TRIM37: variants seen among roughly 807,000 people sequenced by gnomAD.
TRIM37 encodes the protein E3 ubiquitin-protein ligase TRIM37.
Under a neutral mutation model 129.8 loss-of-function variants are expected in TRIM37, and 80 were observed. The observed-to-expected ratio is 0.62, with a 90% CI of 0.51 to 0.74. TRIM37 has a LOEUF of 0.74. Ranked by LOEUF, TRIM37 falls within the 30% of genes least tolerant of loss-of-function variation. The probability of loss-of-function intolerance (pLI) is 0.00; values close to 1 mark genes in which losing one functional copy is unlikely to be tolerated. For synonymous variants in TRIM37, 389 were observed against 387.1 expected, an observed-to-expected ratio of 1.00 and a Z score of -0.06; for missense variants, 1,054 against 1,176.5, an observed-to-expected ratio of 0.90 and a Z score of 1.52.
downstream of TRIM37, chr17:58,979,907 C>A: frequency 7.9e-7 from 1 of 1,273,878 alleles, no homozygotes; most frequent in Non-Finnish European, 1.1e-6. Flanking sequence ...TGGCATTGGT[C>A]ATAAACGTTC....
chr17:59,036,586 G>A (rs1301051069), intron 17 of TRIM37, among the ~76,000 whole-genome samples: 1 of 151,900 alleles, frequency 6.6e-6, no homozygotes, highest in African/African-American at 2.4e-5. Flanking sequence ...AGGCTCAAGT[G>A]ATCCTACGGC....
rs2032530261 is a variant in TRIM37, at chr17:58,992,340, T to C, written c.2891+7041A>G. Among the ~76,000 whole-genome samples the C allele has an allele frequency of 2.0e-5, 3 of 146,974 alleles. No individual in the cohort carries two copies. In the South Asian group the frequency reaches 6.3e-4, roughly 31 times the overall value. The stretch of plus-strand genomic sequence containing the variant: ...ATATGTAAATATATATATATATATA[T>C]ATAAATACAGAGTACTGTCAACCAG... On this transcript the variant is annotated intron_variant, in intron 24 of 24. Transcript: ENST00000393066.
Position 59,001,692 on chromosome 17 carries a change from A to T in TRIM37, c.2718T>A (p.Ile906=). The T allele has an allele frequency of 6.2e-7, 1 of 1,614,006 alleles. No individual in the cohort carries two copies. The highest frequency in any genetic ancestry group is 8.5e-7 in the Non-Finnish European group (1 of 1,179,936). The part of the protein sequence containing the change: ...PEEGMSSDSD[I]ECDTENEEQE... ...GCTCCTCATTCTCAGTGTCACATTCAATGTCACTGTCGCTACTCATTCCTG... is the reference window on the plus strand; with the variant it reads ...GCTCCTCATTCTCAGTGTCACATTCTATGTCACTGTCGCTACTCATTCCTG... Residue 906 remains isoleucine (I), a synonymous_variant, in exon 23 of 24, where the codon ATT becomes ATA. Coordinates refer to ENST00000262294, the MANE Select transcript of TRIM37 (RefSeq NM_015294.6).
intron 19 of TRIM37, among the ~76,000 whole-genome samples, chr17:59,020,901 C>T (rs539784346): frequency 1.2e-3 from 186 of 152,260 alleles, no homozygotes; most frequent in Middle Eastern, 3.4e-3. Flanking sequence ...AAAACCACTA[C>T]GGAAAACAGT....
intron 5 of TRIM37, 32 bp from the exon 6 acceptor site, chr17:59,081,251 T>C (rs1196284303): frequency 1.2e-6 from 2 of 1,605,194 alleles, no homozygotes; most frequent in Admixed American, 3.3e-5. Context: ...TAGAACACTT[T>C]CACATATCTC....
intron 1 of TRIM37, 110 bp downstream of exon 1, chr17:59,106,331 G>A: frequency 2.3e-6 from 3 of 1,304,714 alleles, no homozygotes; most frequent in Non-Finnish European, 3.3e-6. Flanking sequence ...CAGCGGCAGG[G>A]GCGGGGTAGG....
chr17:59,037,557 C>CAAAAAAAAAAAAAAAAAAAAAAA (rs58856834), intron 17 of TRIM37, among the ~76,000 whole-genome samples: 2 of 74,034 alleles, frequency 2.7e-5, no homozygotes, highest in African/African-American at 1.0e-4. Context: ...GACTCTGTCT[C>CAAAAAAAAAAAAAAAAAAAAAAA]AAAAAAAAAA....
downstream of TRIM37, chr17:58,981,733 A>G (rs1376254066): frequency 7.5e-6 from 1 of 133,308 alleles, no homozygotes; most frequent in Non-Finnish European, 1.6e-5. Flanking sequence ...TGGGAGTTTC[A>G]TAACCTGTTA....
chr17:59,048,833 G>C (rs2040066936), intron 15 of TRIM37, among the ~76,000 whole-genome samples: 1 of 152,214 alleles, frequency 6.6e-6, no homozygotes, highest in South Asian at 2.1e-4. Flanking sequence ...CTGACCTCAT[G>C]TGATCCACCC....
At chr17:59,084,928 G>A (rs568419093) in intron 4 of TRIM37, among the ~76,000 whole-genome samples, 1 of 152,320 alleles carries the variant, frequency 6.6e-6, no homozygotes, top group South Asian at 2.1e-4. Context: ...TATCAGAACT[G>A]TGAGAAAATA....
In TRIM37 at chr17:59,050,319, C is replaced by T. The variant is rs75795909; in HGVS notation, c.1314+895G>A. Among the ~76,000 whole-genome samples, 12 of 152,324 alleles carry T rather than the reference C, an allele frequency of 7.9e-5. No individual in the cohort carries two copies. In the East Asian group the frequency reaches 2.3e-3, roughly 29 times the overall value. On this transcript the variant is annotated intron_variant, in intron 14 of 23. Transcript: ENST00000262294. ...ACAACTTTATGCAATGATGGAAATG[C>T]TCTAGATTTGCAGTAACCAATGCAA...
Position 59,049,282 on chromosome 17 carries a change from C to A in TRIM37, c.1426G>T (p.Ala476Ser). 1.2e-6 allele frequency: 2 copies of A among 1,614,180 alleles called. No individual in the cohort carries two copies. The highest frequency in any genetic ancestry group is 1.7e-6 in the Non-Finnish European group (2 of 1,180,024). ...DALETRAKKS[A>S]CSDMLLEGGP... ...CCTTCGAGAAGCATGTCAGAGCATGCAGACTTCTTAGCTCGTGTCTCCAGA... is the reference window on the plus strand; with the variant it reads ...CCTTCGAGAAGCATGTCAGAGCATGAAGACTTCTTAGCTCGTGTCTCCAGA... Residue 476 changes from alanine to serine, a missense_variant, in exon 15 of 24, where the codon GCA becomes TCA. Coordinates refer to ENST00000262294, the MANE Select transcript of TRIM37 (RefSeq NM_015294.6).
intron 22 of TRIM37, among the ~76,000 whole-genome samples, chr17:59,006,965 G>C (rs955490921): frequency 6.6e-6 from 1 of 151,972 alleles, no homozygotes; most frequent in African/African-American, 2.4e-5. Flanking sequence ...GATAGAAGAG[G>C]AAGTTGTTGA....
At chr17:59,093,239 T>C (rs1414022773) in intron 2 of TRIM37, among the ~76,000 whole-genome samples, 11 of 152,308 alleles carry the variant, frequency 7.2e-5, no homozygotes, top group East Asian at 1.9e-4. Flanking sequence ...CCTTGGTCCC[T>C]AGGCAAAAAC....
chr17:59,038,362 T>G (rs538232172), intron 17 of TRIM37, among the ~76,000 whole-genome samples: 1 of 152,320 alleles, frequency 6.6e-6, no homozygotes, highest in Non-Finnish European at 1.5e-5. Context: ...ATGTTCCAGG[T>G]AGGCATGATA....
chr17:59,081,742 T>G, intron 5 of TRIM37, among the ~76,000 whole-genome samples: 1 of 151,626 alleles, frequency 6.6e-6, no homozygotes, highest in Non-Finnish European at 1.5e-5. Flanking sequence ...AACACGTCTC[T>G]ACTAAAATAC....
chr17:59,049,843 T>TA (rs986536180), intron 14 of TRIM37, among the ~76,000 whole-genome samples: 149 of 151,790 alleles, frequency 9.8e-4, no homozygotes, highest in Middle Eastern at 3.4e-3. Flanking sequence ...CTTTTATTTA[T>TA]AAAAAAAAAT....
rs368700093 is a variant in TRIM37 at position 59,057,399 on chromosome 17, C to T, written c.1020-345G>A. ...GCTAATTTTGTATTTTTAGTGGAGA[C>T]GGGGGTTCATGTTGGCCAGGCTGGT... On this transcript the variant is annotated intron_variant, in intron 12 of 23. Coordinates refer to ENST00000262294, the MANE Select transcript of TRIM37 (RefSeq NM_015294.6). Among the ~76,000 whole-genome samples, 10 of 152,176 alleles carry T rather than the reference C, an allele frequency of 6.6e-5. No homozygotes were observed. The East Asian group carries it at 9.6e-4, about 15-fold the overall frequency.
At chr17:59,017,480 AT>A in intron 19 of TRIM37, 56 bp from the exon 20 acceptor site, 2 of 1,612,546 alleles carry the variant, frequency 1.2e-6, no homozygotes, top group East Asian at 4.5e-5. Flanking sequence ...AAAACTCACT[AT>A]TTAGTCTGTC....
Sources: allele counts gnomAD v4.1 joint callset (sites outside exome capture counted in the v4.1 genomes callset), GRCh38; gene constraint gnomAD v4.1.1; transcripts MANE v1.5; gene names NCBI Gene and HGNC (gene_info 2026-07-23, HGNC 2026-07-21).